SLC4A4: variants seen among roughly 807,000 people sequenced by gnomAD.
The protein encoded by SLC4A4 is solute carrier family 4 member 4.
SLC4A4 carries 27 observed loss-of-function variants against 111.5 expected under a neutral mutation model. The ratio of observed to expected loss-of-function variants is 0.24; its 90% CI spans 0.18 to 0.33. The LOEUF (loss-of-function observed/expected upper bound fraction) is 0.33, where lower values mean the gene tolerates loss of function less well. Among genes scored for constraint, SLC4A4 ranks in the 10% least tolerant of loss-of-function variants. The pLI is 1.00. For synonymous variants in SLC4A4, 443 were observed against 463.4 expected, an observed-to-expected ratio of 0.96 and a Z score of 0.57; for missense variants, 909 against 1,315.5, an observed-to-expected ratio of 0.69 and a Z score of 4.78.
intron 2 of SLC4A4, among the ~76,000 whole-genome samples, chr4:71,153,033 G>GTATATATATAAA (rs1744355046): frequency 1.5e-5 from 2 of 132,726 alleles, no homozygotes; most frequent in East Asian, 4.6e-4. Flanking sequence ...ATATGTGTGT[G>GTATATATATAAA]TATATATATA....
chr4:71,193,507 G>A (rs1745849145), intron 1 of SLC4A4, among the ~76,000 whole-genome samples: 1 of 152,180 alleles, frequency 6.6e-6, no homozygotes, highest in Admixed American at 6.5e-5. Context: ...TGATGGGACG[G>A]TTTTAGTAGA....
chr4:71,406,180 C>T (rs1002971179), intron 7 of SLC4A4, among the ~76,000 whole-genome samples: 2 of 151,998 alleles, frequency 1.3e-5, no homozygotes, highest in Admixed American at 6.6e-5. Context: ...CTTCCCCCAA[C>T]CCCCAAGAGA....
rs369004125 is a variant in SLC4A4, at chr4:71,119,044, A to G, written c.-2+26252A>G. Among the ~76,000 whole-genome samples the G allele has an allele frequency of 3.9e-5, 6 of 152,330 alleles. No individual in the cohort carries two copies. The East Asian group carries it at 1.2e-3, about 29-fold the overall frequency. ...AGCATAACACCAAAAGTGAACTCTA[A>G]TGTAAACTATGGAATCTGGGCGATA... On this transcript the variant is annotated intron_variant, in intron 2 of 26. Transcript: ENST00000649996.
intron 3 of SLC4A4, among the ~76,000 whole-genome samples, chr4:71,329,300 C>T (rs746717075): frequency 3.3e-5 from 5 of 151,890 alleles, no homozygotes; most frequent in Non-Finnish European, 7.4e-5. Context: ...TTTAGCTATT[C>T]TGGGTCTTTT....
chr4:71,448,179 G>A (rs950007148), intron 9 of SLC4A4, among the ~76,000 whole-genome samples: 53 of 151,894 alleles, frequency 3.5e-4, no homozygotes, highest in African/African-American at 1.3e-3. Flanking sequence ...AATTAGCCAG[G>A]CATGGTGGTG....
intron 3 of SLC4A4, 74 bp downstream of exon 3, chr4:71,255,473 C>G (rs545368252): frequency 3.1e-5 from 46 of 1,467,940 alleles, no homozygotes; most frequent in Non-Finnish European, 4.2e-5. Context: ...CTTTTTGAAT[C>G]TTGTGGCTAA....
intron 18 of SLC4A4, among the ~76,000 whole-genome samples, chr4:71,544,127 C>T (rs556512987): frequency 6.7e-4 from 102 of 151,856 alleles, no homozygotes; most frequent in African/African-American, 2.3e-3. Flanking sequence ...ATTAGTGTGA[C>T]GAGTGTTGTG....
intron 6 of SLC4A4, among the ~76,000 whole-genome samples, chr4:71,385,059 A>G (rs1218565771): frequency 6.6e-6 from 1 of 150,586 alleles, no homozygotes; most frequent in East Asian, 1.9e-4. Context: ...GAAAAGAAAA[A>G]CTAAAAAAAG....
intron 5 of SLC4A4, 35 bp downstream of exon 5, chr4:71,350,107 T>A (rs753691999): frequency 1.2e-6 from 2 of 1,612,784 alleles, no homozygotes; most frequent in Non-Finnish European, 1.7e-6. Context: ...CCTATTTTTT[T>A]CGGCTTTCCC....
At chr4:71,471,419 G>A (rs1232925005) in intron 13 of SLC4A4, among the ~76,000 whole-genome samples, 1 of 151,878 alleles carries the variant, frequency 6.6e-6, no homozygotes, top group African/African-American at 2.4e-5. Context: ...TCAATGAGGG[G>A]GTTTGTATCA....
At chr4:71,544,885 G>C (rs576991651) in intron 18 of SLC4A4, among the ~76,000 whole-genome samples, 2 of 152,024 alleles carry the variant, frequency 1.3e-5, no homozygotes, top group African/African-American at 4.8e-5. Flanking sequence ...TTTTTTGTCT[G>C]TTTTATTCAC....
chr4:71,166,960 C>A (rs1455280233), intron 2 of SLC4A4, among the ~76,000 whole-genome samples: 1 of 152,040 alleles, frequency 6.6e-6, no homozygotes, highest in Non-Finnish European at 1.5e-5. Context: ...ATCTGAATAC[C>A]ACTGCTGCTT....
At chr4:71,348,773 G>C in intron 4 of SLC4A4, among the ~76,000 whole-genome samples, 1 of 152,064 alleles carries the variant, frequency 6.6e-6, no homozygotes, top group South Asian at 2.1e-4. Flanking sequence ...CTCCTCTGGG[G>C]GTGGTAAGAG....
intron 2 of SLC4A4, among the ~76,000 whole-genome samples, chr4:71,240,773 G>T (rs140256164): frequency 2.4e-4 from 36 of 152,228 alleles, no homozygotes; most frequent in Non-Finnish European, 3.4e-4. Flanking sequence ...AGCATATGTA[G>T]AATCACTTTG....
At chr4:71,085,046 CCACATCCTCTCCAG>C (rs1742117614) in intron 1 of SLC4A4, among the ~76,000 whole-genome samples, 1 of 152,062 alleles carries the variant, frequency 6.6e-6, no homozygotes, top group Admixed American at 6.5e-5. Flanking sequence ...TCCCATTTCT[CCACATCCTCTCCAG>C]CACCTGTTGT....
At chr4:71,479,765 G>A (rs1728703523) in intron 14 of SLC4A4, among the ~76,000 whole-genome samples, 1 of 151,836 alleles carries the variant, frequency 6.6e-6, no homozygotes, top group South Asian at 2.1e-4. Flanking sequence ...TATGGTAATA[G>A]TGTTTTGGAA....
At chr4:71,090,372 G>A (rs7692589) in intron 1 of SLC4A4, among the ~76,000 whole-genome samples, 16,570 of 152,064 alleles carry the variant, frequency 0.11, 1,261 homozygotes, top group African/African-American at 0.22. Context: ...ACCCTGCTTC[G>A]GCTCATGCTC....
intron 3 of SLC4A4, among the ~76,000 whole-genome samples, chr4:71,264,996 C>T (rs768519568): frequency 1.4e-4 from 21 of 152,162 alleles, no homozygotes; most frequent in Non-Finnish European, 1.9e-4. Flanking sequence ...TTTGCATGCT[C>T]CAACCACACT....
At chr4:71,387,758 G>A (rs76046123) in intron 6 of SLC4A4, among the ~76,000 whole-genome samples, 18,702 of 152,174 alleles carry the variant, frequency 0.12, 1,471 homozygotes, top group African/African-American at 0.22. Context: ...CCTCCGAAGC[G>A]CTGGGATTAC....
Sources: gnomAD v4.1 joint callset for allele counts (sites outside exome capture counted in the v4.1 genomes callset) on GRCh38, gnomAD v4.1.1 for gene constraint, MANE v1.5 for transcripts, NCBI Gene and HGNC (gene_info 2026-07-23, HGNC 2026-07-21) for gene names.